The following MN1 variants were observed in gnomAD, a reference collection of about 807,000 sequenced individuals.
The protein encoded by MN1 is transcriptional activator MN1.
MN1 carries 19 observed loss-of-function variants against 86.9 expected under a neutral mutation model. The observed-to-expected ratio is 0.22, with a 90% CI of 0.15 to 0.32. The LOEUF (loss-of-function observed/expected upper bound fraction) is 0.32. MN1 is among the 10% of genes least tolerant of loss of function. MN1 has a pLI of 1.00. For synonymous variants in MN1, 928 were observed against 849.6 expected (o/e 1.09, Z -1.60); for missense variants, 1,841 against 1,862.0 (o/e 0.99, Z 0.21).
intron 1 of MN1, among the ~76,000 whole-genome samples, chr22:27,767,456 A>C (rs1476289390): frequency 6.6e-6 from 1 of 152,176 alleles, no homozygotes; most frequent in East Asian, 1.9e-4. Flanking sequence ...TGAAGGTTAG[A>C]GTTCTTGTTT....
intron 1 of MN1, among the ~76,000 whole-genome samples, chr22:27,751,449 G>A (rs987673144): frequency 6.6e-6 from 1 of 152,168 alleles, no homozygotes; most frequent in East Asian, 1.9e-4. Context: ...TCCTGGAGGA[G>A]GGGCATCTAA....
chr22:27,785,278 G>T (rs979061773), intron 1 of MN1, among the ~76,000 whole-genome samples: 2 of 152,164 alleles, frequency 1.3e-5, no homozygotes, highest in African/African-American at 4.8e-5. Context: ...AAACTGCTCG[G>T]AGTCTGGGTG....
intron 1 of MN1, among the ~76,000 whole-genome samples, chr22:27,761,012 G>A (rs963160685): frequency 6.6e-6 from 1 of 152,162 alleles, no homozygotes; most frequent in African/African-American, 2.4e-5. Context: ...CACAGGCGCA[G>A]GGTCACACAG....
intron 1 of MN1, among the ~76,000 whole-genome samples, chr22:27,784,092 G>A (rs1933089746): frequency 6.6e-6 from 1 of 152,204 alleles, no homozygotes; most frequent in Non-Finnish European, 1.5e-5. Context: ...AGGGTACTCG[G>A]GAGCTGGAAG....
At chr22:27,772,956 G>A (rs1326191473) in intron 1 of MN1, among the ~76,000 whole-genome samples, 1 of 151,726 alleles carries the variant, frequency 6.6e-6, no homozygotes, top group Non-Finnish European at 1.5e-5. Flanking sequence ...TTGAGGCTGG[G>A]GTGGGGGAGA....
At chr22:27,765,618 C>G (rs1932863761) in intron 1 of MN1, among the ~76,000 whole-genome samples, 1 of 152,240 alleles carries the variant, frequency 6.6e-6, no homozygotes, top group African/African-American at 2.4e-5. Flanking sequence ...AAAGGACAGA[C>G]TGATGGGCAA....
Position 27,796,820 on chromosome 22 carries a change from C to T in MN1, c.3724G>A (p.Asp1242Asn), listed in dbSNP as rs1156484834. Residue 1242 changes from aspartate to asparagine, a missense_variant, in exon 1 of 2, where the codon GAC (aspartate) becomes AAC (asparagine). Transcript: ENST00000302326. ...DKALVDSADD[D>N]KTLAPWEKAK... ...TTCTCCCAGGGCGCCAACGTCTTGT[C>T]GTCGTCCGCGCTGTCCACCAGGGCC... The T allele has an allele frequency of 1.2e-6, 2 of 1,610,372 alleles. No individual in the cohort carries two copies. Among genetic ancestry groups the T allele is most frequent in the South Asian group, 1.1e-5 (1 of 91,040 alleles).
chr22:27,792,050 G>A (rs145978916), intron 1 of MN1, among the ~76,000 whole-genome samples: 6 of 152,084 alleles, frequency 3.9e-5, no homozygotes, highest in African/African-American at 9.6e-5. Context: ...AAGAGTAGCC[G>A]CATTTTCAAA....
chr22:27,769,352 C>T (rs903885956), intron 1 of MN1, among the ~76,000 whole-genome samples: 1 of 151,878 alleles, frequency 6.6e-6, no homozygotes, highest in African/African-American at 2.4e-5. Context: ...AAGTAAATTG[C>T]CTGAAGTCAG....
In MN1 at chr22:27,749,094, G is replaced by A. The variant is rs577291927; in HGVS notation, c.*1821C>T. On this transcript the variant is annotated 3_prime_UTR_variant, in exon 2 of 2. Transcript: ENST00000302326. ...CCTGCTTTGTCTGCCCTCTGAAGGC[G>A]GGGTTTGCTCCTCGTCAAGACTGCC... The A allele has an allele frequency of 2.2e-5, 5 of 232,006 alleles. No individual in the cohort carries two copies. The highest frequency in any genetic ancestry group is 6.1e-5 in the East Asian group (1 of 16,414). 14.4% of individuals were successfully genotyped at this position (232,006 alleles called of 1,614,324 possible).
At chr22:27,776,931 G>C (rs1408912004) in intron 1 of MN1, among the ~76,000 whole-genome samples, 1 of 152,134 alleles carries the variant, frequency 6.6e-6, no homozygotes. Context: ...GGGGGAGAGG[G>C]AGACAGAGCA....
chr22:27,783,352 G>A (rs570613240), intron 1 of MN1, among the ~76,000 whole-genome samples: 2 of 152,152 alleles, frequency 1.3e-5, no homozygotes, highest in Non-Finnish European at 2.9e-5. Context: ...TGCTGGTCTC[G>A]AACTCCTGAC....
chr22:27,800,482 C>G lies in MN1; in HGVS notation c.62G>C (p.Arg21Thr). 1 of 1,614,200 alleles carries G rather than the reference C, an allele frequency of 6.2e-7. No individual in the cohort carries two copies. Among genetic ancestry groups the G allele is most frequent in the South Asian group, 1.1e-5 (1 of 91,086 alleles). ...VNSRNAGQGE[R>T]NFNETGLSMN... The stretch of plus-strand genomic sequence containing the variant: ...GCTCAGTCCGGTCTCGTTAAAGTTC[C>G]TCTCGCCCTGGCCAGCGTTCCTGCT... The change falls in exon 1 of 2, where the codon AGG becomes ACG. Residue 21 changes from arginine (R) to threonine (T), a missense_variant. Transcript: ENST00000302326.
rs1319228508 is a variant in MN1 at position 27,800,893 on chromosome 22, G to A, written c.-350C>T. 4 of 429,150 alleles carry A rather than the reference G, an allele frequency of 9.3e-6. No homozygotes were observed. Among genetic ancestry groups the A allele is most frequent in the South Asian group, 7.8e-5 (3 of 38,502 alleles). 26.6% of individuals were successfully genotyped at this position (429,150 alleles called of 1,614,324 possible). A position where few individuals can be genotyped will look rare whatever the true frequency, so the allele number is the denominator to read the frequency against. On this transcript the variant is annotated 5_prime_UTR_variant, in exon 1 of 2. Transcript: ENST00000302326. ...ATGAACGGAGACAAAAAGTTAAGTG[G>A]GGGGAATGGGGAGGGAAGGGGGTTG...
chr22:27,748,463 T>C lies in MN1; in HGVS notation c.*2452A>G. 5.1e-6 allele frequency: 1 copy of C among 194,290 alleles called. No individual in the cohort carries two copies. The highest frequency in any genetic ancestry group is 1.9e-4 in the South Asian group (1 of 5,220). 12.0% of individuals were successfully genotyped at this position (194,290 alleles called of 1,614,324 possible). A position where few individuals can be genotyped will look rare whatever the true frequency, so the allele number is the denominator to read the frequency against. ...CCAAGCATTTCAGAAATGAATTTCT[T>C]TTAAGAGTCAAAAAAGATTACAGGA... On this transcript the variant is annotated 3_prime_UTR_variant, in exon 2 of 2. Coordinates refer to ENST00000302326, the MANE Select transcript of MN1 (RefSeq NM_002430.3).
rs1347532903 is a variant in MN1, at chr22:27,796,866, G to A, written c.3678C>T (p.Ala1226=). The stretch of plus-strand genomic sequence containing the variant: ...GGGCCTTGTCAGCGGGCATGTACCA[G>A]GCAGCGCTGTGCTCTGCCATCAGCG... ...LDSLMAEHSA[A]WYMPADKALV... The change falls in exon 1 of 2, where the codon GCC becomes GCT. Residue 1226 remains alanine (A), a synonymous_variant. Transcript: ENST00000302326. 8.7e-6 allele frequency: 14 copies of A among 1,613,018 alleles called. No individual in the cohort carries two copies. Among genetic ancestry groups the A allele is most frequent in the Non-Finnish European group, 1.2e-5 (14 of 1,180,014 alleles).
rs1396583416 is a variant in MN1, at chr22:27,799,288, A to C, written c.1256T>G (p.Met419Arg). 6.9e-6 allele frequency: 11 copies of C among 1,587,740 alleles called. No individual in the cohort carries two copies. Among genetic ancestry groups the C allele is most frequent in the Non-Finnish European group, 9.4e-6 (11 of 1,167,012 alleles). The change falls in exon 1 of 2, where the codon ATG becomes AGG. Residue 419 changes from methionine to arginine, a missense_variant. Transcript: ENST00000302326. ...GAAAACAGGCTCGGAATAAGGGTGC[A>C]TGCTCCGGTTCTCCAGCCGGTGGAT... Reference protein sequence around the residue: ...YPIHRLENRSMHPYSEPVFSM... With the variant: ...YPIHRLENRSRHPYSEPVFSM...
At position 27,797,377 on chromosome 22, in the gene MN1, T is replaced by A. The variant is rs1182958912; in HGVS notation, c.3167A>T (p.Glu1056Val). The A allele has an allele frequency of 5.6e-6, 9 of 1,611,232 alleles. No homozygotes were observed. The highest frequency in any genetic ancestry group is 7.6e-6 in the Non-Finnish European group (9 of 1,179,940). Residue 1056 changes from glutamate to valine, a missense_variant, in exon 1 of 2, where the codon GAG (glutamate) becomes GTG (valine). Coordinates refer to ENST00000302326, the MANE Select transcript of MN1 (RefSeq NM_002430.3). The part of the protein sequence containing the change: ...SDEVSTSYAN[E>V]DEVSSSSDNP... ...GTCAGAGCTGGACGACACCTCGTCC[T>A]CATTGGCGTAGCTCGTGCTCACCTC...
intron 1 of MN1, among the ~76,000 whole-genome samples, chr22:27,767,198 G>C (rs1029752442): frequency 1.1e-4 from 17 of 152,032 alleles, no homozygotes; most frequent in African/African-American, 3.1e-4. Context: ...CAATTCCTGG[G>C]AACAGGAACA....
Sources: allele counts gnomAD v4.1 joint callset (sites outside exome capture counted in the v4.1 genomes callset), GRCh38; gene constraint gnomAD v4.1.1; transcripts MANE v1.5; gene names NCBI Gene and HGNC (gene_info 2026-07-23, HGNC 2026-07-21).